DLG2: variants seen among roughly 807,000 people sequenced by gnomAD.
The protein encoded by DLG2 is discs large MAGUK scaffold protein 2, also known as disks large homolog 2.
Under a neutral mutation model 132.5 loss-of-function variants are expected in DLG2, and 45 were observed. The observed-to-expected ratio is 0.34, with a 90% CI of 0.27 to 0.44. The LOEUF is 0.44. DLG2 is among the 20% of genes least tolerant of loss of function. The pLI, the probability that DLG2 is intolerant of heterozygous loss-of-function variation, is 1.00. For missense variants in DLG2, 1,045 were observed against 1,196.9 expected, an observed-to-expected ratio of 0.87 and a Z score of 1.87; for synonymous variants, 424 against 419.6, an observed-to-expected ratio of 1.01 and a Z score of -0.13.
At chr11:84,895,367 T>C (rs2090050768) in intron 6 of DLG2, among the ~76,000 whole-genome samples, 1 of 152,148 alleles carries the variant, frequency 6.6e-6, no homozygotes, top group African/African-American at 2.4e-5. Context: ...CAGTAACCTG[T>C]TTCACTGTGA....
chr11:84,204,109 C>A (rs540016292), intron 8 of DLG2, among the ~76,000 whole-genome samples: 24 of 152,208 alleles, frequency 1.6e-4, no homozygotes, highest in Non-Finnish European at 3.1e-4. Flanking sequence ...AGGTGCCCAC[C>A]ACCATGCCCG....
chr11:85,515,031 T>C (rs2094145323), intron 3 of DLG2, among the ~76,000 whole-genome samples: 1 of 151,930 alleles, frequency 6.6e-6, no homozygotes, highest in African/African-American at 2.4e-5. Context: ...TTGTGAGTGA[T>C]AAGGTGGACT....
intron 3 of DLG2, among the ~76,000 whole-genome samples, chr11:85,551,834 A>G (rs1014731244): frequency 2.0e-5 from 3 of 152,096 alleles, no homozygotes; most frequent in African/African-American, 4.8e-5. Flanking sequence ...TATAGTCCAC[A>G]AATACTAAGT....
chr11:83,472,133 A>G (rs2092113618), intron 23 of DLG2, among the ~76,000 whole-genome samples: 1 of 152,110 alleles, frequency 6.6e-6, no homozygotes, highest in Non-Finnish European at 1.5e-5. Flanking sequence ...ATAACATCTT[A>G]TGTTTTCATG....
At chr11:84,601,897 T>C (rs562270419) in intron 6 of DLG2, among the ~76,000 whole-genome samples, 35 of 152,018 alleles carry the variant, frequency 2.3e-4, no homozygotes, top group Non-Finnish European at 4.9e-4. Flanking sequence ...CCCAAATGAA[T>C]ACACTTGAGG....
chr11:83,695,772 C>T (rs946694620), intron 18 of DLG2, among the ~76,000 whole-genome samples: 13 of 151,984 alleles, frequency 8.6e-5, no homozygotes, highest in African/African-American at 3.1e-4. Context: ...AGAAAATCCC[C>T]TGTCTGTCTA....
intron 17 of DLG2, chr11:83,815,116 G>A (rs1198867618): frequency 6.5e-6 from 1 of 153,444 alleles, no homozygotes; most frequent in Non-Finnish European, 1.5e-5. Flanking sequence ...CATTTAGACT[G>A]ACTAAATTAA....
chr11:84,827,250 T>A (rs1232688155), intron 6 of DLG2, among the ~76,000 whole-genome samples: 1 of 151,652 alleles, frequency 6.6e-6, no homozygotes, highest in East Asian at 2.0e-4. Context: ...TACACCGTGT[T>A]CGAGGGGGCA....
In DLG2 at chr11:83,611,921, C is replaced by CAACTGTTTGAGCGGGAGGGA. The variant is rs533488143; in HGVS notation, c.1940+21270_1940+21289dup. 1.8e-4 allele frequency among the ~76,000 whole-genome samples: 27 copies of CAACTGTTTGAGCGGGAGGGA among 152,130 alleles called. No individual in the cohort carries two copies. The East Asian group carries it at 5.0e-3, about 28-fold the overall frequency. On this transcript the variant is annotated intron_variant, in intron 19 of 27. Coordinates refer to ENST00000376104, the MANE Select transcript of DLG2 (RefSeq NM_001142699.3). Reference sequence around the variant, plus strand: ...CCTTTAGCTGCTTTTGAAGGGGGGGCAACTGTTTGAGCGGGAGGGAAGCAT... The same window carrying CAACTGTTTGAGCGGGAGGGA: ...CCTTTAGCTGCTTTTGAAGGGGGGGCAACTGTTTGAGCGGGAGGGAAACTGTTTGAGCGGGAGGGAAGCAT...
At chr11:84,994,889 T>A (rs973677691) in intron 6 of DLG2, among the ~76,000 whole-genome samples, 4 of 152,140 alleles carry the variant, frequency 2.6e-5, no homozygotes, top group Admixed American at 2.0e-4. Context: ...ACTGGAGACA[T>A]CATTGATGAA....
chr11:83,968,115 C>CCCA (rs1318835596), intron 12 of DLG2, among the ~76,000 whole-genome samples: 2 of 152,090 alleles, frequency 1.3e-5, no homozygotes, highest in Admixed American at 1.3e-4. Flanking sequence ...AAATAAATGT[C>CCCA]CCAAAAGCAT....
chr11:84,497,861 A>G (rs867445628), intron 7 of DLG2, among the ~76,000 whole-genome samples: 8 of 152,154 alleles, frequency 5.3e-5, no homozygotes, highest in Non-Finnish European at 1.0e-4. Context: ...AGGCAGCCAC[A>G]TAGGTTTCAA....
chr11:84,225,022 C>T (rs1266089954), intron 8 of DLG2, among the ~76,000 whole-genome samples: 2 of 152,142 alleles, frequency 1.3e-5, no homozygotes, highest in Non-Finnish European at 2.9e-5. Context: ...GTTTGCATTC[C>T]AGTGTACTTC....
chr11:85,014,562 A>G (rs766318955), intron 6 of DLG2, among the ~76,000 whole-genome samples: 2 of 152,006 alleles, frequency 1.3e-5, no homozygotes, highest in Non-Finnish European at 2.9e-5. Flanking sequence ...TCTCCTCCAT[A>G]TTTCTGGCTC....
chr11:85,544,388 A>G (rs2076168121), intron 3 of DLG2, among the ~76,000 whole-genome samples: 1 of 152,048 alleles, frequency 6.6e-6, no homozygotes, highest in Non-Finnish European at 1.5e-5. Flanking sequence ...TGTTTTGGTT[A>G]CTCTAGGCTT....
At chr11:83,770,427 G>T (rs1044885704) in intron 18 of DLG2, among the ~76,000 whole-genome samples, 2 of 152,018 alleles carry the variant, frequency 1.3e-5, no homozygotes, top group East Asian at 3.9e-4. Flanking sequence ...CTAAGCCCCA[G>T]AGGATGAAAC....
intron 6 of DLG2, among the ~76,000 whole-genome samples, chr11:84,592,235 T>C (rs781644179): frequency 2.0e-5 from 3 of 152,216 alleles, no homozygotes; most frequent in Non-Finnish European, 2.9e-5. Context: ...AAGGGTTCAA[T>C]TACTTATGGG....
intron 4 of DLG2, among the ~76,000 whole-genome samples, chr11:85,255,060 T>A (rs1417750942): frequency 1.3e-5 from 2 of 152,236 alleles, no homozygotes; most frequent in African/African-American, 4.8e-5. Context: ...CAAATAATTT[T>A]ATAAAATTGA....
intron 17 of DLG2, among the ~76,000 whole-genome samples, chr11:83,826,910 G>A (rs1209262781): frequency 6.6e-6 from 1 of 152,150 alleles, no homozygotes; most frequent in Non-Finnish European, 1.5e-5. Context: ...GCACTGAGAT[G>A]TGGAGATGAG....
Sources: allele counts gnomAD v4.1 joint callset (sites outside exome capture counted in the v4.1 genomes callset), GRCh38; gene constraint gnomAD v4.1.1; transcripts MANE v1.5; gene names NCBI Gene and HGNC (gene_info 2026-07-23, HGNC 2026-07-21).